Variants in MYT1L observed in about 807,000 individuals in gnomAD.
MYT1L encodes the protein myelin transcription factor 1 like.
In MYT1L, 12 loss-of-function variants were observed where a neutral mutation model predicts 126.7. The observed-to-expected ratio is 0.09, with a 90% CI of 0.06 to 0.15. The LOEUF (loss-of-function observed/expected upper bound fraction) is 0.15. Among genes scored for constraint, MYT1L ranks in the 10% least tolerant of loss-of-function variants. The pLI is 1.00. For missense variants in MYT1L, 979 were observed against 1,585.2 expected (o/e 0.62, Z 6.49); for synonymous variants, 541 against 604.2 (o/e 0.90, Z 1.53).
intron 8 of MYT1L, among the ~76,000 whole-genome samples, chr2:1,950,500 G>C (rs756277198): frequency 2.3e-4 from 35 of 149,910 alleles, no homozygotes; most frequent in Admixed American, 2.3e-3. Context: ...ACCAAGATGG[G>C]TGTGGGACAG....
rs367741262 is a variant in MYT1L at position 2,112,647 on chromosome 2, G to C, written c.-303-58524C>G. ...AGGCCTGGCTTCTGTGTTTTTATCA[G>C]CACTCAGGCAACACTGACGCTGATG... is the stretch of plus-strand genomic sequence containing the variant. On this transcript the variant is annotated intron_variant, in intron 3 of 24. Coordinates refer to ENST00000647738, the MANE Select transcript of MYT1L (RefSeq NM_001303052.2). Among the ~76,000 whole-genome samples the C allele has an allele frequency of 5.2e-4, 79 of 152,224 alleles. No individual in the cohort carries two copies. The South Asian group carries it at 0.013, about 26-fold the overall frequency.
chr2:2,102,408 A>T (rs1229381675), intron 3 of MYT1L, among the ~76,000 whole-genome samples: 1 of 152,138 alleles, frequency 6.6e-6, no homozygotes, highest in Admixed American at 6.5e-5. Flanking sequence ...ATATGTAGGG[A>T]TCTACTAGGG....
intron 2 of MYT1L, among the ~76,000 whole-genome samples, chr2:2,220,577 A>C (rs2093829917): frequency 6.6e-6 from 1 of 152,188 alleles, no homozygotes. Flanking sequence ...GCCTGGAAGA[A>C]AAAGATCTTG....
In MYT1L at chr2:1,947,903, C is replaced by A. The variant is rs115704870; in HGVS notation, c.153-4569G>T. Reference sequence around the variant, plus strand: ...TGAAACATTTCACAAACAGCCTGAGCGTATCCAGGGTGGTGATGTGTAGAG... The same window carrying A: ...TGAAACATTTCACAAACAGCCTGAGAGTATCCAGGGTGGTGATGTGTAGAG... On this transcript the variant is annotated intron_variant, in intron 8 of 24. Coordinates refer to ENST00000647738, the MANE Select transcript of MYT1L (RefSeq NM_001303052.2). 3.9e-3 allele frequency among the ~76,000 whole-genome samples: 591 copies of A among 152,096 alleles called. 8 individuals are homozygous for A. Among genetic ancestry groups the A allele is most frequent in the African/African-American group, 0.014 (572 of 41,438 alleles).
At chr2:1,866,892 A>G (rs114880660) in intron 18 of MYT1L, among the ~76,000 whole-genome samples, 7,100 of 116,916 alleles carry the variant, frequency 0.061, 281 homozygotes, top group Non-Finnish European at 0.073. Context: ...GAGAGAGGGA[A>G]AGGGTGAGAG....
intron 18 of MYT1L, among the ~76,000 whole-genome samples, chr2:1,860,958 T>C (rs1170024300): frequency 6.6e-6 from 1 of 151,794 alleles, no homozygotes; most frequent in Non-Finnish European, 1.5e-5. Context: ...GCGACCACGC[T>C]CATGGCCAGC....
intron 2 of MYT1L, among the ~76,000 whole-genome samples, chr2:2,242,040 G>T (rs2094450073): frequency 6.6e-6 from 1 of 151,092 alleles, no homozygotes; most frequent in African/African-American, 2.4e-5. Context: ...AAGAGGAAAA[G>T]GAAGAGAAAA....
At chr2:2,094,600 T>G (rs916148716) in intron 3 of MYT1L, among the ~76,000 whole-genome samples, 2 of 152,148 alleles carry the variant, frequency 1.3e-5, no homozygotes, top group East Asian at 1.9e-4. Context: ...CCATAAAAAA[T>G]GATGAGTTCA....
intron 21 of MYT1L, chr2:1,826,060 G>A (rs1220035055): frequency 1.3e-5 from 2 of 152,316 alleles, no homozygotes; most frequent in Non-Finnish European, 2.9e-5. Context: ...ACAGCTGCAA[G>A]CTCAGGAGCT....
intron 21 of MYT1L, chr2:1,816,032 T>C (rs1248912437): frequency 2.6e-5 from 4 of 152,358 alleles, no homozygotes; most frequent in East Asian, 1.9e-4. Flanking sequence ...GGTCTCACCA[T>C]GTTGCCCAGG....
intron 14 of MYT1L, among the ~76,000 whole-genome samples, chr2:1,895,055 C>T (rs1282773039): frequency 1.3e-5 from 2 of 152,178 alleles, no homozygotes; most frequent in Non-Finnish European, 2.9e-5. Flanking sequence ...CATCTCTATA[C>T]ACCAATAACA....
intron 15 of MYT1L, among the ~76,000 whole-genome samples, chr2:1,891,378 C>T (rs1240125273): frequency 1.3e-5 from 2 of 152,216 alleles, no homozygotes; most frequent in East Asian, 1.9e-4. Context: ...CTGGTGGCCT[C>T]GGCGAGGCAG....
chr2:2,163,085 C>T (rs959622942), intron 3 of MYT1L, among the ~76,000 whole-genome samples: 4 of 152,216 alleles, frequency 2.6e-5, no homozygotes, highest in Non-Finnish European at 5.9e-5. Flanking sequence ...GTGGGTCTAT[C>T]TGCAGAATAA....
At chr2:1,968,215 C>A (rs2059528107) in intron 8 of MYT1L, among the ~76,000 whole-genome samples, 1 of 152,186 alleles carries the variant, frequency 6.6e-6, no homozygotes, top group African/African-American at 2.4e-5. Context: ...GCCTTCCTGA[C>A]GATAAATGCA....
At chr2:2,014,557 C>G (rs2064176693) in intron 4 of MYT1L, among the ~76,000 whole-genome samples, 1 of 152,186 alleles carries the variant, frequency 6.6e-6, no homozygotes, top group Non-Finnish European at 1.5e-5. Context: ...GGAGCACAGG[C>G]GTCTGCTTGC....
chr2:1,799,676 T>C (rs2034471086), intron 23 of MYT1L, among the ~76,000 whole-genome samples: 1 of 152,182 alleles, frequency 6.6e-6, no homozygotes, highest in South Asian at 2.1e-4. Context: ...AAGGAGGAAA[T>C]AAATTAAGAT....
At chr2:2,095,776 C>T (rs1489317758) in intron 3 of MYT1L, among the ~76,000 whole-genome samples, 3 of 152,310 alleles carry the variant, frequency 2.0e-5, no homozygotes, top group East Asian at 3.9e-4. Flanking sequence ...TCCTCATCGC[C>T]CCGGGCACCC....
intron 2 of MYT1L, among the ~76,000 whole-genome samples, chr2:2,267,752 C>A (rs1376357336): frequency 1.3e-5 from 2 of 152,140 alleles, no homozygotes; most frequent in Admixed American, 1.3e-4. Context: ...GAGAAATATC[C>A]TGCAAGGAGG....
intron 18 of MYT1L, among the ~76,000 whole-genome samples, chr2:1,865,070 C>T (rs376459598): frequency 1.3e-4 from 20 of 152,132 alleles, no homozygotes; most frequent in African/African-American, 4.6e-4. Context: ...TGTGGGGAGG[C>T]GGGGGAAGGG....
Sources: allele counts gnomAD v4.1 joint callset (sites outside exome capture counted in the v4.1 genomes callset), GRCh38; gene constraint gnomAD v4.1.1; transcripts MANE v1.5; gene names NCBI Gene and HGNC (gene_info 2026-07-23, HGNC 2026-07-21).